The following PIBF1 variants were observed in gnomAD, a reference collection of about 807,000 sequenced individuals.
The protein encoded by PIBF1 is progesterone immunomodulatory binding factor 1.
In PIBF1, 90 loss-of-function variants were observed where a neutral mutation model predicts 112.5. The ratio of observed to expected loss-of-function variants is 0.80; its 90% CI spans 0.67 to 0.95. PIBF1 has a LOEUF of 0.95. Ranked by LOEUF, PIBF1 falls within the 40% of genes least tolerant of loss-of-function variation. PIBF1 has a pLI of 0.00. For synonymous variants in PIBF1, 301 were observed against 288.6 expected (o/e 1.04, Z -0.44); for missense variants, 915 against 852.3 (o/e 1.07, Z -0.92).
chr13:72,838,021 G>A (rs1472354177), intron 9 of PIBF1, among the ~76,000 whole-genome samples: 1 of 152,152 alleles, frequency 6.6e-6, no homozygotes, highest in Non-Finnish European at 1.5e-5. Context: ...TGTACCTTGT[G>A]ATTACTTGCT....
At chr13:72,919,614 G>GAATTT (rs1566447767) in intron 13 of PIBF1, among the ~76,000 whole-genome samples, 1 of 152,108 alleles carries the variant, frequency 6.6e-6, no homozygotes, top group African/African-American at 2.4e-5. Context: ...AATTTAAAGG[G>GAATTT]AAAGGTCATA....
chr13:73,009,077 G>A (rs1046578870), intron 17 of PIBF1, among the ~76,000 whole-genome samples: 1 of 151,946 alleles, frequency 6.6e-6, no homozygotes. Context: ...TTAGAGTGTG[G>A]CATCTGTTCT....
In PIBF1 at chr13:72,930,073, T is replaced by C. The variant is rs931761967; in HGVS notation, c.1731-1092T>C. Among the ~76,000 whole-genome samples, 3 of 152,172 alleles carry C rather than the reference T, an allele frequency of 2.0e-5. No individual in the cohort carries two copies. The South Asian group carries it at 6.2e-4, about 32-fold the overall frequency. The stretch of plus-strand genomic sequence containing the variant: ...CAGGGTCTCACCCTGTTGCCCATAC[T>C]GGTCTTGAATTCCTGGCCTCAAGTG... On this transcript the variant is annotated intron_variant, in intron 13 of 17. Coordinates refer to ENST00000326291, the MANE Select transcript of PIBF1 (RefSeq NM_006346.4).
intron 13 of PIBF1, among the ~76,000 whole-genome samples, chr13:72,928,028 T>TATACATATATATATATGCATATATATAC (rs1566458687): frequency 1.7e-5 from 1 of 58,870 alleles, no homozygotes; most frequent in African/African-American, 5.1e-5. Flanking sequence ...TATATATACA[T>TATACATATATATATATGCATATATATAC]ATATATATAT....
At chr13:73,013,317 A>AG (rs2044272034) in intron 17 of PIBF1, among the ~76,000 whole-genome samples, 2 of 149,296 alleles carry the variant, frequency 1.3e-5, no homozygotes, top group African/African-American at 4.9e-5. Flanking sequence ...AAAAAAAAAA[A>AG]AAAAAAAAAG....
In PIBF1 at chr13:72,917,185, T is replaced by A; in HGVS notation, c.1730+19T>A. 7.2e-7 allele frequency: 1 copy of A among 1,397,350 alleles called. No individual in the cohort carries two copies. The highest frequency in any genetic ancestry group is 9.8e-7 in the Non-Finnish European group (1 of 1,016,096). The allele number at this position is 1,397,350 out of a possible 1,614,324, so 86.6% of individuals were successfully genotyped here. On this transcript the variant is annotated intron_variant, in intron 13 of 17. Transcript: ENST00000326291. ...AGCAAAGGTAAAATCAATATATATT[T>A]ATTTTATTTATCTACTCAAGATGAA...
chr13:72,936,629 G>A (rs937327424), intron 14 of PIBF1, among the ~76,000 whole-genome samples: 15 of 152,064 alleles, frequency 9.9e-5, no homozygotes, highest in African/African-American at 2.9e-4. Flanking sequence ...GACTGTTCTC[G>A]ACTCTCTGTT....
chr13:72,956,298 C>T (rs1362599254), intron 14 of PIBF1, among the ~76,000 whole-genome samples: 1 of 152,072 alleles, frequency 6.6e-6, no homozygotes, highest in Non-Finnish European at 1.5e-5. Flanking sequence ...CAGTATCTCT[C>T]CTTACCCTTT....
chr13:72,917,552 G>A (rs547760133), intron 13 of PIBF1, among the ~76,000 whole-genome samples: 2 of 151,764 alleles, frequency 1.3e-5, no homozygotes, highest in African/African-American at 4.8e-5. Context: ...GTTAGGGAGA[G>A]TGATTTGGAA....
chr13:72,965,455 A>G (rs1453050505), intron 15 of PIBF1, 51 bp downstream of exon 15: 2 of 1,442,714 alleles, frequency 1.4e-6, no homozygotes, highest in Non-Finnish European at 9.5e-7. Flanking sequence ...TTGTTACCAT[A>G]TTGCTGCTGT....
At chr13:72,909,484 T>A (rs576617627) in intron 12 of PIBF1, among the ~76,000 whole-genome samples, 1 of 151,336 alleles carries the variant, frequency 6.6e-6, no homozygotes, top group East Asian at 1.9e-4. Context: ...CTGCAATTAG[T>A]CTTTTCTTTT....
intron 16 of PIBF1, among the ~76,000 whole-genome samples, chr13:72,981,137 C>T (rs552850552): frequency 4.4e-4 from 67 of 151,210 alleles, no homozygotes; most frequent in African/African-American, 1.5e-3. Context: ...CCCAGCTACT[C>T]GGGAGCCTGC....
chr13:72,854,328 A>G (rs891210837), intron 10 of PIBF1, among the ~76,000 whole-genome samples, 173 bp downstream of exon 10: 1 of 152,208 alleles, frequency 6.6e-6, no homozygotes, highest in African/African-American at 2.4e-5. Flanking sequence ...TTTCATTTCA[A>G]TAATTTTCAT....
At chr13:72,854,203 C>A (rs2038307325) in intron 10 of PIBF1, 48 bp downstream of exon 10, 1 of 1,167,506 alleles carries the variant, frequency 8.6e-7, no homozygotes, top group Non-Finnish European at 1.3e-6. Flanking sequence ...ATTATTGTTT[C>A]TGTTACATAT....
chr13:72,935,573 C>A lies in PIBF1; in HGVS notation c.1833+4306C>A, dbSNP rs961343491. ...GGGTAAATATCTAGGAGTAGACTGG[C>A]CGGATCATATCGTAGGTGTCTATTT... On this transcript the variant is annotated intron_variant, in intron 14 of 17. Transcript: ENST00000326291. 3.3e-5 allele frequency among the ~76,000 whole-genome samples: 5 copies of A among 152,206 alleles called. No individual in the cohort carries two copies. The South Asian group carries it at 1.0e-3, about 32-fold the overall frequency.
intron 4 of PIBF1, among the ~76,000 whole-genome samples, chr13:72,796,029 A>G (rs868047087): frequency 3.0e-4 from 46 of 152,196 alleles, no homozygotes; most frequent in Admixed American, 1.3e-4. Context: ...TGGTGTCAGC[A>G]TTCATTTACA....
chr13:72,911,928 A>G (rs900488535), intron 12 of PIBF1, among the ~76,000 whole-genome samples: 4 of 151,922 alleles, frequency 2.6e-5, no homozygotes, highest in African/African-American at 4.8e-5. Flanking sequence ...TCAGGAGTTC[A>G]AGATTAGCCT....
At chr13:72,963,242 A>G (rs2042652812) in intron 14 of PIBF1, among the ~76,000 whole-genome samples, 1 of 152,242 alleles carries the variant, frequency 6.6e-6, no homozygotes, top group Non-Finnish European at 1.5e-5. Context: ...CAAAAGGACA[A>G]GCACAAAAAC....
chr13:72,827,215 T>C (rs916177626), intron 7 of PIBF1, 97 bp downstream of exon 7: 13 of 502,568 alleles, frequency 2.6e-5, no homozygotes, highest in African/African-American at 1.6e-4. Context: ...TTTTTTGTTA[T>C]GTAGTTCCTC....
Sources: gnomAD v4.1 joint callset for allele counts (sites outside exome capture counted in the v4.1 genomes callset) on GRCh38, gnomAD v4.1.1 for gene constraint, MANE v1.5 for transcripts, NCBI Gene and HGNC (gene_info 2026-07-23, HGNC 2026-07-21) for gene names.